The following VASH2 variants were observed in gnomAD, a reference collection of about 807,000 sequenced individuals.
VASH2 encodes the protein tubulinyl-Tyr carboxypeptidase 2.
A neutral mutation model predicts 37.2 loss-of-function variants in VASH2; 28 were observed. The ratio of observed to expected loss-of-function variants is 0.75; its 90% CI spans 0.56 to 1.03. The LOEUF (loss-of-function observed/expected upper bound fraction) is 1.03. Ranked by LOEUF, VASH2 falls within the 50% of genes least tolerant of loss-of-function variation. VASH2 has a pLI of 0.00. For synonymous variants in VASH2, 188 were observed against 174.7 expected (o/e 1.08, Z -0.60); for missense variants, 419 against 459.1 (o/e 0.91, Z 0.80).
At chr1:212,954,760 T>C (rs1033796050) in intron 2 of VASH2, among the ~76,000 whole-genome samples, 2 of 152,188 alleles carry the variant, frequency 1.3e-5, no homozygotes, top group African/African-American at 2.4e-5. Context: ...TATTGTACTT[T>C]TCATAGTAAC....
intron 3 of VASH2, among the ~76,000 whole-genome samples, chr1:212,962,654 T>C (rs1666712983): frequency 6.6e-6 from 1 of 152,198 alleles, no homozygotes; most frequent in Non-Finnish European, 1.5e-5. Context: ...GTAGGGAGAT[T>C]ACTTGATTGG....
chr1:212,986,694 G>A (rs924119089), intron 7 of VASH2, among the ~76,000 whole-genome samples: 1 of 151,966 alleles, frequency 6.6e-6, no homozygotes, highest in Non-Finnish European at 1.5e-5. Context: ...GAGGCTGGAG[G>A]ACACCATCCC....
chr1:212,963,483 CTG>C (rs1489458079), intron 3 of VASH2, among the ~76,000 whole-genome samples: 10 of 152,160 alleles, frequency 6.6e-5, no homozygotes, highest in African/African-American at 1.9e-4. Flanking sequence ...TCAGTCCTGA[CTG>C]TGAATGTGCT....
rs569606813 is a variant in VASH2 at position 212,973,134 on chromosome 1, G to A, written c.879+173G>A. Among the ~76,000 whole-genome samples the A allele has an allele frequency of 8.5e-5, 13 of 152,174 alleles. 1 individual carries two copies. Among genetic ancestry groups the A allele is most frequent in the Admixed American group, 3.9e-4 (6 of 15,296 alleles). On this transcript the variant is annotated intron_variant, in intron 6 of 7. Transcript: ENST00000517399. ...AGCCATCTAAAATCAATTTAGATGCGACAGTTAAAACAATGTCTCGTCCTG... is the reference window on the plus strand; with the variant it reads ...AGCCATCTAAAATCAATTTAGATGCAACAGTTAAAACAATGTCTCGTCCTG...
At position 212,951,867 on chromosome 1, in the gene VASH2, C is replaced by A. The variant is rs763877470; in HGVS notation, c.276+49C>A. On this transcript the variant is annotated intron_variant, in intron 2 of 7. Coordinates refer to ENST00000517399, the MANE Select transcript of VASH2 (RefSeq NM_001301056.2). The surrounding 1 kb of genome is among the most constrained non-coding windows in gnomAD (Gnocchi z 4.4). ...TGGGGGGCTGGGGGTAGGTAGGCAG[C>A]GATGGGACCGTTTCAGCCTATACAT... is the stretch of plus-strand genomic sequence containing the variant. 8.3e-6 allele frequency: 13 copies of A among 1,558,900 alleles called. No homozygotes were observed. In the Middle Eastern group the frequency reaches 5.0e-4, roughly 60 times the overall value.
intron 6 of VASH2, chr1:212,973,651 C>T: frequency 8.1e-7 from 1 of 1,236,684 alleles, no homozygotes; most frequent in Non-Finnish European, 1.0e-6. Flanking sequence ...ACTTGCCAAG[C>T]AAACAAACAC....
At position 212,990,207 on chromosome 1, in the gene VASH2, T is replaced by C. The variant is rs1163580850; in HGVS notation, c.*1623T>C. On this transcript the variant is annotated 3_prime_UTR_variant, in exon 8 of 8. Coordinates refer to ENST00000517399, the MANE Select transcript of VASH2 (RefSeq NM_001301056.2). ...AATCAGTATTATTAATGAAAAGTACTGTTTTCTTAAAGAAGTCGAATGTCC... is the reference window on the plus strand; with the variant it reads ...AATCAGTATTATTAATGAAAAGTACCGTTTTCTTAAAGAAGTCGAATGTCC... The C allele has an allele frequency of 3.9e-5, 6 of 152,346 alleles. No homozygotes were observed. Among genetic ancestry groups the C allele is most frequent in the Non-Finnish European group, 8.8e-5 (6 of 68,032 alleles). The allele number at this position is 152,346 out of a possible 1,614,324, so 9.4% of individuals were successfully genotyped here. A position where few individuals can be genotyped will look rare whatever the true frequency, so the allele number is the denominator to read the frequency against.
intron 7 of VASH2, among the ~76,000 whole-genome samples, chr1:212,978,519 G>A (rs1257077243): frequency 2.0e-5 from 3 of 152,322 alleles, no homozygotes; most frequent in South Asian, 2.1e-4. Context: ...CCAGGAGCAC[G>A]GAGGTGATGG....
intron 7 of VASH2, among the ~76,000 whole-genome samples, chr1:212,987,418 T>C (rs1463052745): frequency 6.6e-6 from 1 of 151,932 alleles, no homozygotes; most frequent in Non-Finnish European, 1.5e-5. Context: ...TCTACAAAAA[T>C]ACAAAATTGG....
intron 5 of VASH2, chr1:212,967,133 G>A (rs1457557719): frequency 7.7e-7 from 1 of 1,304,384 alleles, no homozygotes; most frequent in Non-Finnish European, 1.0e-6. Context: ...CTAAAACAAG[G>A]GTCTAGCTTC....
At chr1:212,964,329 C>T (rs1335242216) in intron 3 of VASH2, among the ~76,000 whole-genome samples, 1 of 152,236 alleles carries the variant, frequency 6.6e-6, no homozygotes, top group Non-Finnish European at 1.5e-5. Flanking sequence ...GCTAGGCGCC[C>T]CTGTCACTGT....
intron 2 of VASH2, among the ~76,000 whole-genome samples, chr1:212,958,012 T>C (rs1300527806): frequency 1.3e-5 from 2 of 152,234 alleles, no homozygotes; most frequent in African/African-American, 4.8e-5. Context: ...GGTGATACTA[T>C]TCCTATTTTA....
At chr1:212,958,881 TTTTCTTTC>T (rs142734232) in intron 2 of VASH2, among the ~76,000 whole-genome samples, 1 of 151,744 alleles carries the variant, frequency 6.6e-6, no homozygotes, top group Non-Finnish European at 1.5e-5. Context: ...GCTCGGCTAA[TTTTCTTTC>T]TTTCTTTCTT....
chr1:212,981,481 T>C (rs571235664), intron 7 of VASH2, among the ~76,000 whole-genome samples: 1 of 152,336 alleles, frequency 6.6e-6, no homozygotes, highest in African/African-American at 2.4e-5. Flanking sequence ...TGGTCTGACC[T>C]GATTCTGGCC....
intron 7 of VASH2, among the ~76,000 whole-genome samples, chr1:212,979,261 T>C (rs190955268): frequency 9.5e-4 from 144 of 152,346 alleles, no homozygotes; most frequent in African/African-American, 2.5e-3. Context: ...ATCTTGCTTT[T>C]GGCGAGGAAA....
At chr1:212,973,373 TCA>T (rs1341434516) in intron 6 of VASH2, 3 of 1,289,860 alleles carry the variant, frequency 2.3e-6, no homozygotes, top group Non-Finnish European at 3.0e-6. Flanking sequence ...CTTCTCTCTC[TCA>T]GTTTTACCTC....
rs886783747 is a variant in VASH2, at chr1:212,968,827, C to G, written c.497+2482C>G. 5.1e-5 allele frequency: 50 copies of G among 985,352 alleles called. No individual in the cohort carries two copies. In the African/African-American group the frequency reaches 8.6e-4, roughly 17 times the overall value. 61.0% of individuals were successfully genotyped at this position (985,352 alleles called of 1,614,324 possible). A position where few individuals can be genotyped will look rare whatever the true frequency, so the allele number is the denominator to read the frequency against. On this transcript the variant is annotated intron_variant, in intron 5 of 7. Coordinates refer to ENST00000517399, the MANE Select transcript of VASH2 (RefSeq NM_001301056.2). ...AGATCAACGAAGGGGAACACAAGCCCAGGCCCTTCATGGGGTAGACAAGCT... is the reference window on the plus strand; with the variant it reads ...AGATCAACGAAGGGGAACACAAGCCGAGGCCCTTCATGGGGTAGACAAGCT...
intron 7 of VASH2, among the ~76,000 whole-genome samples, chr1:212,983,891 T>G (rs1359051334): frequency 1.3e-5 from 2 of 152,178 alleles, no homozygotes; most frequent in African/African-American, 2.4e-5. Flanking sequence ...GGCTCTAGAT[T>G]CTGGGGACCA....
Position 212,957,992 on chromosome 1 carries a change from G to A in VASH2, c.277-3174G>A, listed in dbSNP as rs138736112. ...GTAATGCTTACAACCAGCTTGGAAG[G>A]TTGGAAGTAGGTGATACTATTCCTA... is the stretch of plus-strand genomic sequence containing the variant. On this transcript the variant is annotated intron_variant, in intron 2 of 7. Transcript: ENST00000517399. 3.0e-3 allele frequency among the ~76,000 whole-genome samples: 457 copies of A among 152,352 alleles called. 2 individuals are homozygous for A. Among genetic ancestry groups the A allele is most frequent in the Middle Eastern group, 0.014 (4 of 294 alleles).
Sources: gnomAD v4.1 joint callset for allele counts (sites outside exome capture counted in the v4.1 genomes callset) on GRCh38, gnomAD v4.1.1 for gene constraint, Gnocchi (gnomAD v3.1) non-coding constraint, MANE v1.5 for transcripts, NCBI Gene and HGNC (gene_info 2026-07-23, HGNC 2026-07-21) for gene names.